Variants in FBXL2 observed in about 807,000 individuals in gnomAD.
FBXL2 encodes the protein F-box and leucine rich repeat protein 2.
In FBXL2, 38 loss-of-function variants were observed where a neutral mutation model predicts 69.2. The observed-to-expected ratio is 0.55, with a 90% CI of 0.42 to 0.72. The LOEUF (loss-of-function observed/expected upper bound fraction) is 0.72, where lower values mean the gene tolerates loss of function less well. Ranked by LOEUF, FBXL2 falls within the 30% of genes least tolerant of loss-of-function variation. FBXL2 has a pLI of 0.00. For missense variants in FBXL2, 354 were observed against 520.3 expected (o/e 0.68, Z 3.11); for synonymous variants, 192 against 201.3 (o/e 0.95, Z 0.39).
intron 2 of FBXL2, among the ~76,000 whole-genome samples, chr3:33,325,496 C>T (rs1454742163): frequency 6.6e-6 from 1 of 152,158 alleles, no homozygotes; most frequent in South Asian, 2.1e-4. Flanking sequence ...CAGTTTTTAG[C>T]ATGAAGGGGT....
chr3:33,332,439 C>G (rs745544270), intron 2 of FBXL2, among the ~76,000 whole-genome samples: 8 of 152,090 alleles, frequency 5.3e-5, no homozygotes, highest in Non-Finnish European at 1.2e-4. Context: ...GTATATACCC[C>G]AAAAAACTGA....
At chr3:33,348,308 A>G (rs2040593041) in intron 2 of FBXL2, among the ~76,000 whole-genome samples, 1 of 151,936 alleles carries the variant, frequency 6.6e-6, no homozygotes, top group African/African-American at 2.4e-5. Context: ...TGTTCTTGGG[A>G]ACTTTGAGTT....
chr3:33,401,886 T>C (rs1485404360), intron 12 of FBXL2, among the ~76,000 whole-genome samples: 2 of 152,178 alleles, frequency 1.3e-5, no homozygotes, highest in African/African-American at 4.8e-5. Context: ...CCCTCAGACA[T>C]GGTAACCTAC....
chr3:33,400,159 A>T, intron 12 of FBXL2: 3 of 1,378,328 alleles, frequency 2.2e-6, no homozygotes, highest in Non-Finnish European at 2.9e-6. Context: ...AAACATTCTC[A>T]TGCACAGATA....
At chr3:33,325,553 G>A (rs1282634832) in intron 2 of FBXL2, among the ~76,000 whole-genome samples, 1 of 152,138 alleles carries the variant, frequency 6.6e-6, no homozygotes, top group East Asian at 1.9e-4. Flanking sequence ...AGATAATCAT[G>A]TGGTTTTTGT....
chr3:33,319,506 T>C (rs548138342), intron 2 of FBXL2, among the ~76,000 whole-genome samples: 92 of 152,322 alleles, frequency 6.0e-4, no homozygotes, highest in South Asian at 1.4e-3. Flanking sequence ...GCTTAGAATG[T>C]TGAATTATTG....
chr3:33,278,604 G>A (rs1346312353), intron 1 of FBXL2, among the ~76,000 whole-genome samples: 1 of 152,136 alleles, frequency 6.6e-6, no homozygotes, highest in Non-Finnish European at 1.5e-5. Context: ...AATAACCAAG[G>A]AGAGGGATGG....
chr3:33,375,189 C>T (rs1559629261), intron 9 of FBXL2, 99 bp from the exon 10 acceptor site: 5 of 1,470,674 alleles, frequency 3.4e-6, no homozygotes, highest in Non-Finnish European at 1.9e-6. Flanking sequence ...TGCTAGTAAT[C>T]AGCAACCAAA....
At chr3:33,407,415 A>C (rs2044456409), downstream of FBXL2, among the ~76,000 whole-genome samples, 1 of 152,158 alleles carries the variant, frequency 6.6e-6, no homozygotes. Flanking sequence ...AATCCCCCCC[A>C]AAGAAGTTTA....
At chr3:33,388,145 G>GTTAC (rs1559658615), downstream of FBXL2, 1 of 150,950 alleles carries the variant, frequency 6.6e-6, no homozygotes, top group East Asian at 1.9e-4. Context: ...TAGTTAGTTA[G>GTTAC]TTAGTTAGTT....
chr3:33,380,625 A>T (rs2042988143), intron 13 of FBXL2, among the ~76,000 whole-genome samples: 1 of 151,518 alleles, frequency 6.6e-6, no homozygotes, highest in Non-Finnish European at 1.5e-5. Context: ...CTACACAGGG[A>T]TAACTATCAC....
chr3:33,277,332 G>T, upstream of FBXL2: 1 of 465,240 alleles, frequency 2.1e-6, no homozygotes, highest in African/African-American at 2.0e-5. Context: ...AGGGCCGGGG[G>T]CGAGGGGTGG....
chr3:33,365,747 A>C (rs1290727393), intron 5 of FBXL2, among the ~76,000 whole-genome samples: 1 of 145,346 alleles, frequency 6.9e-6, no homozygotes, highest in Non-Finnish European at 1.5e-5. Flanking sequence ...ACAAACAAAC[A>C]AACAAACCAA....
At chr3:33,281,869 G>A (rs189469559) in intron 1 of FBXL2, among the ~76,000 whole-genome samples, 225 of 152,194 alleles carry the variant, frequency 1.5e-3, no homozygotes, top group Non-Finnish European at 2.8e-3. Context: ...GTTCATATCC[G>A]TTGCCCAGTT....
upstream of FBXL2, chr3:33,277,177 GTT>G (rs780593890): frequency 0.076 from 21,661 of 283,690 alleles, 855 homozygotes; most frequent in Admixed American, 0.11. Flanking sequence ...CCTGTATAAC[GTT>G]TTTTTTAAAA....
intron 12 of FBXL2, among the ~76,000 whole-genome samples, chr3:33,399,358 G>T (rs1465728679): frequency 6.6e-6 from 1 of 152,126 alleles, no homozygotes; most frequent in Non-Finnish European, 1.5e-5. Context: ...AGCAGTGCTT[G>T]ATACCTTTTA....
chr3:33,341,832 G>GAAA (rs56386082), intron 2 of FBXL2, among the ~76,000 whole-genome samples: 1 of 58,526 alleles, frequency 1.7e-5, no homozygotes, highest in Non-Finnish European at 3.1e-5. Context: ...TCCGTCTCAG[G>GAAA]AAAAAAAAAA....
At position 33,277,520 on chromosome 3, in the gene FBXL2, G is replaced by A; in HGVS notation, c.3+5G>A. 7.7e-7 allele frequency: 1 copy of A among 1,298,824 alleles called. No individual in the cohort carries two copies. The highest frequency in any genetic ancestry group is 9.9e-7 in the Non-Finnish European group (1 of 1,015,184). 80.5% of individuals were successfully genotyped at this position (1,298,824 alleles called of 1,614,324 possible). A position where few individuals can be genotyped will look rare whatever the true frequency, so the allele number is the denominator to read the frequency against. ...GCTCGCGGCTCTTCGGCCATGGTGA[G>A]TCTGGGACCCGCGTCTGCCTAGCTG... On this transcript the variant is annotated splice_donor_5th_base_variant and intron_variant, in intron 1 of 14. Coordinates refer to ENST00000484457, the MANE Select transcript of FBXL2 (RefSeq NM_012157.5).
chr3:33,364,274 A>G (rs2041815478), intron 4 of FBXL2: 7 of 257,946 alleles, frequency 2.7e-5, no homozygotes, highest in South Asian at 5.6e-5. Context: ...TCCCACAGCT[A>G]ACCTCAAAAA....
Sources: allele counts gnomAD v4.1 joint callset (sites outside exome capture counted in the v4.1 genomes callset), GRCh38; gene constraint gnomAD v4.1.1; transcripts MANE v1.5; gene names NCBI Gene and HGNC (gene_info 2026-07-23, HGNC 2026-07-21).